The following NAF1 variants were observed in gnomAD, a reference collection of about 807,000 sequenced individuals.
NAF1 encodes the protein H/ACA ribonucleoprotein complex non-core subunit NAF1.
In NAF1, 11 loss-of-function variants were observed where a neutral mutation model predicts 40.6. That is an observed-to-expected ratio of 0.27 (90% confidence interval 0.17 to 0.45). NAF1 has a LOEUF of 0.45. Ranked by LOEUF, NAF1 falls within the 20% of genes least tolerant of loss-of-function variation. The pLI is 1.00. For missense variants in NAF1, 607 were observed against 611.1 expected (o/e 0.99, Z 0.07); for synonymous variants, 260 against 228.5 (o/e 1.14, Z -1.24).
intron 2 of NAF1, chr4:163,119,638 A>G (rs900303062): frequency 1.1e-4 from 17 of 152,220 alleles, no homozygotes; most frequent in African/African-American, 3.6e-4. Flanking sequence ...AATGTCTTCC[A>G]GCTATCTTCT....
downstream of NAF1, among the ~76,000 whole-genome samples, chr4:163,127,326 C>T (rs1045843483): frequency 3.9e-5 from 6 of 151,996 alleles, 1 homozygote; most frequent in South Asian, 6.2e-4. Flanking sequence ...GGCAGGGTTT[C>T]GTTATGTTGG....
At chr4:163,160,429 T>G (rs1732170884) in intron 2 of NAF1, among the ~76,000 whole-genome samples, 1 of 152,150 alleles carries the variant, frequency 6.6e-6, no homozygotes, top group African/African-American at 2.4e-5. Context: ...AACCTAATTT[T>G]AAAAATTATA....
downstream of NAF1, among the ~76,000 whole-genome samples, chr4:163,107,589 T>C (rs1579108942): frequency 6.6e-6 from 1 of 152,336 alleles, no homozygotes; most frequent in East Asian, 1.9e-4. Flanking sequence ...AAAGAAGCTT[T>C]TACCTGAGAG....
chr4:163,159,077 G>A (rs1732112384), intron 2 of NAF1, among the ~76,000 whole-genome samples: 1 of 152,044 alleles, frequency 6.6e-6, no homozygotes, highest in African/African-American at 2.4e-5. Context: ...ACTGAGGAAT[G>A]GGGGAATCTA....
rs142728168 is a variant in NAF1 at position 163,165,502 on chromosome 4, C to T, written c.365+861G>A. Among the ~76,000 whole-genome samples, 3 of 152,260 alleles carry T rather than the reference C, an allele frequency of 2.0e-5. No homozygotes were observed. The East Asian group carries it at 5.8e-4, about 29-fold the overall frequency. ...TCTTAGTACTGCCAAGAAATCCAAC[C>T]TTGTTTACAGTTGTTACTTCCCCCT... On this transcript the variant is annotated intron_variant, in intron 1 of 7. Transcript: ENST00000274054.
At chr4:163,120,623 T>C (rs528174585) in intron 2 of NAF1, among the ~76,000 whole-genome samples, 28 of 152,368 alleles carry the variant, frequency 1.8e-4, no homozygotes, top group African/African-American at 6.5e-4. Context: ...CTTTCTGTAC[T>C]AGCCTTCAAA....
At chr4:163,161,056 A>G (rs2111049930) in intron 2 of NAF1, among the ~76,000 whole-genome samples, 1 of 152,204 alleles carries the variant, frequency 6.6e-6, no homozygotes, top group South Asian at 2.1e-4. Context: ...GCTAAATAAC[A>G]GAATTGTCCC....
At chr4:163,134,188 T>G (rs1730972296) in intron 6 of NAF1, among the ~76,000 whole-genome samples, 1 of 152,158 alleles carries the variant, frequency 6.6e-6, no homozygotes, top group Non-Finnish European at 1.5e-5. Flanking sequence ...ATTCTATTAA[T>G]TTATTATTCT....
rs150635308 is a variant in NAF1, at chr4:163,136,382, G to A, written c.930+817C>T. The A allele has an allele frequency of 9.0e-4, 127 of 141,506 alleles. No homozygotes were observed. In the East Asian group the frequency reaches 0.02, roughly 23 times the overall value. 8.8% of individuals were successfully genotyped at this position (141,506 alleles called of 1,614,324 possible). A position where few individuals can be genotyped will look rare whatever the true frequency, so the allele number is the denominator to read the frequency against. ...CTGTAATACTGAGAAAACTTCATAAGAACTGCTGAGCAAGCTTTAAAAACT... is the reference window on the plus strand; with the variant it reads ...CTGTAATACTGAGAAAACTTCATAAAAACTGCTGAGCAAGCTTTAAAAACT... On this transcript the variant is annotated intron_variant, in intron 6 of 7. Transcript: ENST00000274054.
chr4:163,162,548 G>A (rs554034575), intron 2 of NAF1, among the ~76,000 whole-genome samples: 5 of 152,148 alleles, frequency 3.3e-5, no homozygotes, highest in East Asian at 1.9e-4. Flanking sequence ...TTTGTCTTTC[G>A]AGGCAAACAT....
chr4:163,104,590 CTATAG>C, the NAF1 span, among the ~76,000 whole-genome samples: 1 of 152,170 alleles, frequency 6.6e-6, no homozygotes, highest in Non-Finnish European at 1.5e-5. Context: ...AATTACTCAG[CTATAG>C]TAAAGTATCA....
At chr4:163,116,410 G>C (rs1730339974) in intron 2 of NAF1, among the ~76,000 whole-genome samples, 1 of 152,124 alleles carries the variant, frequency 6.6e-6, no homozygotes, top group Non-Finnish European at 1.5e-5. Flanking sequence ...GTGTGTGTGT[G>C]AGAGAGAGAT....
chr4:163,164,811 T>C (rs1208391518), intron 1 of NAF1, among the ~76,000 whole-genome samples: 1 of 152,166 alleles, frequency 6.6e-6, no homozygotes, highest in Admixed American at 6.5e-5. Context: ...GCTTAATGAG[T>C]TTCTTCTCAG....
chr4:163,153,369 C>T (rs1205100611), intron 2 of NAF1, among the ~76,000 whole-genome samples: 2 of 152,236 alleles, frequency 1.3e-5, no homozygotes, highest in African/African-American at 2.4e-5. Context: ...ATTGTAAACA[C>T]GCCAATCAGC....
intron 2 of NAF1, among the ~76,000 whole-genome samples, chr4:163,149,422 A>G (rs570696349): frequency 6.6e-6 from 1 of 152,206 alleles, no homozygotes; most frequent in South Asian, 2.1e-4. Context: ...CCCTACGGAA[A>G]CTTAAACTAG....
intron 5 of NAF1, among the ~76,000 whole-genome samples, chr4:163,138,804 T>C (rs1731151728): frequency 6.6e-6 from 1 of 152,144 alleles, no homozygotes; most frequent in Admixed American, 6.5e-5. Context: ...TCTTCAAATT[T>C]ATCTGTTTTA....
chr4:163,129,440 C>T, intron 7 of NAF1, 92 bp from the exon 8 acceptor site: 1 of 1,284,260 alleles, frequency 7.8e-7, no homozygotes, highest in Middle Eastern at 2.4e-4. Context: ...TTTTTATTAT[C>T]CAGTATATCT....
At chr4:163,148,190 G>A (rs1731551404) in intron 3 of NAF1, 151 bp downstream of exon 3, 1 of 394,322 alleles carries the variant, frequency 2.5e-6, no homozygotes, top group South Asian at 1.1e-4. Context: ...TTTAGTATAT[G>A]AAAACTGAAT....
chr4:163,161,018 CAAAAAAAAAAA>C lies in NAF1; in HGVS notation c.540+3188_540+3198del, dbSNP rs796248441. 1.2e-4 allele frequency among the ~76,000 whole-genome samples: 7 copies of C among 59,702 alleles called. No homozygotes were observed. In the East Asian group the frequency reaches 2.9e-3, roughly 24 times the overall value. 39.2% of individuals were successfully genotyped at this position (59,702 alleles called of 152,430 possible). ...CCAGAAAGAATGGACTGTCATTTTCCAAAAAAAAAAAAAAAAAAAAAATCTAAGCTAAATAA... is the reference window on the plus strand; with the variant it reads ...CCAGAAAGAATGGACTGTCATTTTCCAAAAAAAAAAATCTAAGCTAAATAA... On this transcript the variant is annotated intron_variant, in intron 2 of 7. Coordinates refer to ENST00000274054, the MANE Select transcript of NAF1 (RefSeq NM_138386.3).
Sources: allele counts gnomAD v4.1 joint callset (sites outside exome capture counted in the v4.1 genomes callset), GRCh38; gene constraint gnomAD v4.1.1; transcripts MANE v1.5; gene names NCBI Gene and HGNC (gene_info 2026-07-23, HGNC 2026-07-21).